The following CDKL1 variants were observed in gnomAD, a reference collection of about 807,000 sequenced individuals.
CDKL1 encodes the protein cyclin dependent kinase like 1, also known as cyclin-dependent kinase-like 1.
A neutral mutation model predicts 42.0 loss-of-function variants in CDKL1; 41 were observed. That is an observed-to-expected ratio of 0.98 (90% CI 0.76 to 1.27). The LOEUF (loss-of-function observed/expected upper bound fraction) is 1.27. CDKL1 is among the 50% of genes most tolerant of loss of function. The probability of loss-of-function intolerance (pLI) is 0.00; values close to 1 mark genes in which losing one functional copy is unlikely to be tolerated. For missense variants in CDKL1, 394 were observed against 428.4 expected (o/e 0.92, Z 0.71); for synonymous variants, 153 against 158.6 (o/e 0.96, Z 0.26).
Position 50,330,032 on chromosome 14 carries a change from C to T in CDKL1, c.*42G>A. The T allele has an allele frequency of 6.3e-7, 1 of 1,592,026 alleles. No individual in the cohort carries two copies. The highest frequency in any genetic ancestry group is 8.5e-7 in the Non-Finnish European group (1 of 1,172,230). ...TGTATAAGTTTTATTTTCTTCAAAG[C>T]ATCTATTGATTCCTTTTTTAAAATC... is the stretch of plus-strand genomic sequence containing the variant. On this transcript the variant is annotated 3_prime_UTR_variant, in exon 10 of 10. Coordinates refer to ENST00000395834, the MANE Select transcript of CDKL1 (RefSeq NM_004196.7).
Position 50,327,442 on chromosome 14 carries a change from T to G in CDKL1, c.*2632A>C, listed in dbSNP as rs1478016699. ...ATATGCCAGTTTGTTTATAGATTTC[T>G]GTGTGTTTGATTTGAACTTTTTTTT... is the stretch of plus-strand genomic sequence containing the variant. On this transcript the variant is annotated 3_prime_UTR_variant, in exon 10 of 10. Transcript: ENST00000395834. 1 of 151,572 alleles carries G rather than the reference T, an allele frequency of 6.6e-6. No individual in the cohort carries two copies. The highest frequency in any genetic ancestry group is 1.5e-5 in the Non-Finnish European group (1 of 68,064). The allele number at this position is 151,572 out of a possible 1,614,324, so 9.4% of individuals were successfully genotyped here. A position where few individuals can be genotyped will look rare whatever the true frequency, so the allele number is the denominator to read the frequency against.
At chr14:50,336,836 T>A (rs1032533889) in intron 7 of CDKL1, among the ~76,000 whole-genome samples, 1 of 148,578 alleles carries the variant, frequency 6.7e-6, no homozygotes, top group African/African-American at 2.5e-5. Flanking sequence ...TTGATATATA[T>A]CCTTGCAGCC....
chr14:50,342,344 C>T (rs971532500), intron 4 of CDKL1, 122 bp from the exon 5 acceptor site: 16 of 1,461,442 alleles, frequency 1.1e-5, no homozygotes, highest in Non-Finnish European at 1.4e-5. Flanking sequence ...GCCTGTTGGA[C>T]AACAGCAAAA....
chr14:50,358,985 C>T (rs991273964), intron 3 of CDKL1, 43 bp downstream of exon 3: 2 of 1,581,678 alleles, frequency 1.3e-6, no homozygotes, highest in South Asian at 1.1e-5. Context: ...GCTCACAAAT[C>T]CCAGTGTGTC....
At chr14:50,351,888 A>T (rs75896955) in intron 3 of CDKL1, among the ~76,000 whole-genome samples, 3,881 of 152,330 alleles carry the variant, frequency 0.025, 169 homozygotes, top group African/African-American at 0.086. Context: ...ATATTTACAT[A>T]GGCACAATAA....
At position 50,334,567 on chromosome 14, in the gene CDKL1, T is replaced by A; in HGVS notation, c.793A>T (p.Lys265Ter). ...NISYPALGLL[K>*]GCLHMDPTQR... Reference sequence around the variant, plus strand: ...CTGTTGGAAGCCATGATTTTTACCTTTAGGAGCCCCAGGGCAGGATAAGAG... The same window carrying A: ...CTGTTGGAAGCCATGATTTTTACCTATAGGAGCCCCAGGGCAGGATAAGAG... Residue 265 changes from lysine to a stop codon, truncating the protein, a stop_gained and splice_region_variant, in exon 8 of 10, where the codon AAG (lysine) becomes TAG (stop). Coordinates refer to ENST00000395834, the MANE Select transcript of CDKL1 (RefSeq NM_004196.7). LOFTEE classifies it high-confidence loss of function. 6.3e-7 allele frequency: 1 copy of A among 1,588,096 alleles called. No individual in the cohort carries two copies. Among genetic ancestry groups the A allele is most frequent in the Non-Finnish European group, 8.6e-7 (1 of 1,156,414 alleles).
At chr14:50,348,334 C>T (rs2033794020) in intron 3 of CDKL1, among the ~76,000 whole-genome samples, 1 of 152,094 alleles carries the variant, frequency 6.6e-6, no homozygotes, top group South Asian at 2.1e-4. Context: ...TATCATTTGC[C>T]CATAGGGAAA....
At position 50,367,378 on chromosome 14, in the gene CDKL1, A is replaced by G. The variant is rs147542994; in HGVS notation, c.169-8229T>C. Among the ~76,000 whole-genome samples, 14 of 152,268 alleles carry G rather than the reference A, an allele frequency of 9.2e-5. 1 individual carries two copies. Among genetic ancestry groups the G allele is most frequent in the African/African-American group, 3.1e-4 (13 of 41,548 alleles). ...CAAACTACCTTACTCCTCTCTCTCTATTGACTCCACTGACCTCAGGGGTAG... is the reference window on the plus strand; with the variant it reads ...CAAACTACCTTACTCCTCTCTCTCTGTTGACTCCACTGACCTCAGGGGTAG... On this transcript the variant is annotated intron_variant, in intron 2 of 9. Coordinates refer to ENST00000395834, the MANE Select transcript of CDKL1 (RefSeq NM_004196.7).
At chr14:50,385,830 G>T (rs979842390) in intron 2 of CDKL1, among the ~76,000 whole-genome samples, 3 of 147,956 alleles carry the variant, frequency 2.0e-5, no homozygotes, top group Admixed American at 6.7e-5. Flanking sequence ...AAAAGTCATG[G>T]CAATGTACAG....
chr14:50,373,924 G>A (rs191319008), intron 2 of CDKL1, among the ~76,000 whole-genome samples: 1 of 152,212 alleles, frequency 6.6e-6, no homozygotes, highest in East Asian at 1.9e-4. Flanking sequence ...CACACTCCTA[G>A]GTATTTACCC....
At chr14:50,361,554 C>T (rs1018926307) in intron 2 of CDKL1, among the ~76,000 whole-genome samples, 1 of 152,202 alleles carries the variant, frequency 6.6e-6, no homozygotes, top group African/African-American at 2.4e-5. Flanking sequence ...TCCAAAATGG[C>T]ACCTTGTTGC....
intron 4 of CDKL1, 72 bp downstream of exon 4, chr14:50,344,914 A>G (rs2033677251): frequency 1.5e-6 from 2 of 1,295,488 alleles, no homozygotes; most frequent in African/African-American, 1.5e-5. Context: ...AGTGTGACAT[A>G]AACTTTGTAC....
chr14:50,338,756 C>G (rs555846555), intron 7 of CDKL1, among the ~76,000 whole-genome samples, 191 bp downstream of exon 7: 1 of 152,320 alleles, frequency 6.6e-6, no homozygotes, highest in South Asian at 2.1e-4. Flanking sequence ...AACAGGCTGG[C>G]TAGACTCTGT....
chr14:50,335,660 A>G, intron 7 of CDKL1: 1 of 1,506,812 alleles, frequency 6.6e-7, no homozygotes, highest in South Asian at 1.2e-5. Flanking sequence ...CTGAGAAAAT[A>G]AGAGCCAGCC....
intron 2 of CDKL1, among the ~76,000 whole-genome samples, chr14:50,388,652 G>A (rs1479057385): frequency 6.6e-6 from 1 of 152,174 alleles, no homozygotes; most frequent in South Asian, 2.1e-4. Flanking sequence ...ACCGCTGTTA[G>A]ATGTTTGGCC....
chr14:50,389,940 G>A (rs1446264333), intron 2 of CDKL1, among the ~76,000 whole-genome samples: 5 of 152,164 alleles, frequency 3.3e-5, no homozygotes, highest in East Asian at 3.8e-4. Flanking sequence ...CTTACTGACC[G>A]GGAGGCCTTG....
At chr14:50,381,653 C>T (rs1339257414) in intron 2 of CDKL1, among the ~76,000 whole-genome samples, 1 of 152,226 alleles carries the variant, frequency 6.6e-6, no homozygotes, top group Non-Finnish European at 1.5e-5. Context: ...GGCACTGACA[C>T]AGCCAAGAAT....
At chr14:50,337,137 T>A (rs997728425) in intron 7 of CDKL1, among the ~76,000 whole-genome samples, 3 of 152,032 alleles carry the variant, frequency 2.0e-5, no homozygotes, top group Admixed American at 2.0e-4. Context: ...GCCTCCCAAG[T>A]AGCTGGGACT....
intron 2 of CDKL1, chr14:50,390,386 CTT>C: frequency 7.4e-7 from 1 of 1,359,510 alleles, no homozygotes; most frequent in African/African-American, 1.5e-5. Context: ...GGCAGAAATT[CTT>C]TCTTTCCTCT....
Sources: gnomAD v4.1 joint callset for allele counts (sites outside exome capture counted in the v4.1 genomes callset) on GRCh38, gnomAD v4.1.1 for gene constraint, MANE v1.5 for transcripts, NCBI Gene and HGNC (gene_info 2026-07-23, HGNC 2026-07-21) for gene names.